Variants in PARD3B observed in about 807,000 individuals in gnomAD.
PARD3B encodes par-3 family cell polarity regulator beta, also known as partitioning defective 3 homolog B.
In PARD3B, 103 loss-of-function variants were observed where a neutral mutation model predicts 130.2. The observed-to-expected ratio is 0.79, with a 90% CI of 0.67 to 0.93. The LOEUF (loss-of-function observed/expected upper bound fraction) is 0.93, where lower values mean the gene tolerates loss of function less well. Ranked by LOEUF, PARD3B falls within the 40% of genes least tolerant of loss-of-function variation. The pLI is 0.00. For synonymous variants in PARD3B, 583 were observed against 553.2 expected (o/e 1.05, Z -0.76); for missense variants, 1,609 against 1,499.2 (o/e 1.07, Z -1.21).
chr2:205,176,301 AT>A lies in PARD3B; in HGVS notation c.1792-140del. 1.4e-6 allele frequency: 1 copy of A among 733,788 alleles called. No individual in the cohort carries two copies. Among genetic ancestry groups the A allele is most frequent in the Non-Finnish European group, 2.1e-6 (1 of 483,178 alleles). 45.5% of individuals were successfully genotyped at this position (733,788 alleles called of 1,614,324 possible). A position where few individuals can be genotyped will look rare whatever the true frequency, so the allele number is the denominator to read the frequency against. On this transcript the variant is annotated intron_variant, in intron 12 of 22. Coordinates refer to ENST00000406610, the MANE Select transcript of PARD3B (RefSeq NM_001302769.2). This position sits in a 1 kb window ranked among gnomAD's most constrained non-coding sequence, Gnocchi z 5.3. ...CAAAGATGTTTTCACTGATAGGGCC[AT>A]TTTGAGTTTCCACAGTTGAGGACTT...
chr2:205,076,632 T>C (rs1343867751), intron 4 of PARD3B, among the ~76,000 whole-genome samples: 2 of 152,162 alleles, frequency 1.3e-5, no homozygotes, highest in African/African-American at 4.8e-5. Context: ...CTCAGGCTCC[T>C]GTCACATCAG....
At chr2:204,940,387 G>A (rs1375206033) in intron 2 of PARD3B, among the ~76,000 whole-genome samples, 3 of 152,066 alleles carry the variant, frequency 2.0e-5, no homozygotes, top group African/African-American at 4.8e-5. Context: ...CTCTGGGAGC[G>A]AACTGGAGTC....
At chr2:205,080,608 T>A (rs1414518674) in intron 4 of PARD3B, among the ~76,000 whole-genome samples, 2 of 152,162 alleles carry the variant, frequency 1.3e-5, no homozygotes, top group Non-Finnish European at 2.9e-5. Flanking sequence ...TTGGGATTAT[T>A]AATAATGCTT....
At position 205,263,365 on chromosome 2, in the gene PARD3B, A is replaced by G. The variant is rs963228111; in HGVS notation, c.2185+17543A>G. Among the ~76,000 whole-genome samples the G allele has an allele frequency of 7.1e-6, 1 of 141,708 alleles. No homozygotes were observed. Among genetic ancestry groups the G allele is most frequent in the African/African-American group, 2.6e-5 (1 of 38,706 alleles). The allele number at this position is 141,708 out of a possible 152,430, so 93.0% of individuals were successfully genotyped here. A position where few individuals can be genotyped will look rare whatever the true frequency, so the allele number is the denominator to read the frequency against. On this transcript the variant is annotated intron_variant, in intron 16 of 22. Coordinates refer to ENST00000406610, the MANE Select transcript of PARD3B (RefSeq NM_001302769.2). This position sits in a 1 kb window ranked among gnomAD's most constrained non-coding sequence, Gnocchi z 4.0. ...GGAGGTCCAAGCAAAAGCAGTGGAT[A>G]ACAGTGCAAACAGGAACTATTTACT...
intron 1 of PARD3B, among the ~76,000 whole-genome samples, chr2:204,577,229 T>A (rs1469445149): frequency 3.3e-5 from 5 of 152,372 alleles, no homozygotes; most frequent in Admixed American, 1.3e-4. Flanking sequence ...TTAAATGATA[T>A]GATGATAGGA....
chr2:205,459,088 C>T (rs2048365929), intron 20 of PARD3B, among the ~76,000 whole-genome samples: 1 of 152,182 alleles, frequency 6.6e-6, no homozygotes, highest in Non-Finnish European at 1.5e-5. Context: ...TCTGCTCAGC[C>T]TCCAAGTCTC....
chr2:205,397,816 A>C lies in PARD3B; in HGVS notation c.2631-3197A>C, dbSNP rs1191278838. Among the ~76,000 whole-genome samples, 10 of 152,126 alleles carry C rather than the reference A, an allele frequency of 6.6e-5. No individual in the cohort carries two copies. Among genetic ancestry groups the C allele is most frequent in the Non-Finnish European group, 1.5e-4 (10 of 68,014 alleles). ...ATTTTAAGCAAAAGTTATGTATCTC[A>C]AGTGATGTACTGAGCTATTAACTTC... On this transcript the variant is annotated intron_variant, in intron 18 of 22. Coordinates refer to ENST00000406610, the MANE Select transcript of PARD3B (RefSeq NM_001302769.2). The surrounding 1 kb of genome is among the most constrained non-coding windows in gnomAD (Gnocchi z 4.8).
At chr2:205,028,576 C>T (rs1317885346) in intron 3 of PARD3B, among the ~76,000 whole-genome samples, 1 of 152,074 alleles carries the variant, frequency 6.6e-6, no homozygotes, top group South Asian at 2.1e-4. Flanking sequence ...TGAGTGAGGT[C>T]CCACTAGCGG....
rs184264262 is a variant in PARD3B at position 205,078,350 on chromosome 2, A to G, written c.505-26076A>G. 2.6e-5 allele frequency among the ~76,000 whole-genome samples: 4 copies of G among 152,224 alleles called. No individual in the cohort carries two copies. The highest frequency in any genetic ancestry group is 1.3e-4 in the Admixed American group (2 of 15,282). Reference sequence around the variant, plus strand: ...GGCTATCGCAGCATCATTCTTCATAATTTTTATTAATTGTATGGTTTTCCT... The same window carrying G: ...GGCTATCGCAGCATCATTCTTCATAGTTTTTATTAATTGTATGGTTTTCCT... On this transcript the variant is annotated intron_variant, in intron 4 of 22. Coordinates refer to ENST00000406610, the MANE Select transcript of PARD3B (RefSeq NM_001302769.2). The surrounding 1 kb of genome is among the most constrained non-coding windows in gnomAD (Gnocchi z 4.0).
At chr2:204,747,263 G>C (rs1445109627) in intron 2 of PARD3B, among the ~76,000 whole-genome samples, 2 of 152,022 alleles carry the variant, frequency 1.3e-5, no homozygotes, top group African/African-American at 4.8e-5. Context: ...GTTTTTGTCA[G>C]GTTTGTCAAA....
intron 1 of PARD3B, among the ~76,000 whole-genome samples, chr2:204,625,349 G>A (rs2034451879): frequency 6.6e-6 from 1 of 152,084 alleles, no homozygotes; most frequent in Non-Finnish European, 1.5e-5. Context: ...CTCCATGACA[G>A]CAACTGACAA....
chr2:204,599,300 A>G (rs145404376), intron 1 of PARD3B, among the ~76,000 whole-genome samples: 1 of 151,966 alleles, frequency 6.6e-6, no homozygotes, highest in East Asian at 1.9e-4. Flanking sequence ...CCATCTAGCT[A>G]TTATTTTGCA....
chr2:205,036,060 C>G (rs1013895253), intron 3 of PARD3B, among the ~76,000 whole-genome samples: 2 of 145,038 alleles, frequency 1.4e-5, no homozygotes, highest in Non-Finnish European at 3.0e-5. Context: ...TGCCATTCAT[C>G]TTGGTGAGTA....
chr2:205,270,653 AAGTAGTAT>A (rs2040689000), intron 16 of PARD3B, among the ~76,000 whole-genome samples: 1 of 152,146 alleles, frequency 6.6e-6, no homozygotes, highest in Admixed American at 6.6e-5. Flanking sequence ...CTCACCTAGT[AAGTAGTAT>A]AGAAATGGGC....
intron 21 of PARD3B, among the ~76,000 whole-genome samples, chr2:205,532,729 G>A (rs895432011): frequency 2.0e-5 from 3 of 152,196 alleles, no homozygotes; most frequent in Non-Finnish European, 4.4e-5. Context: ...CTTAAACTTC[G>A]CTAAGTTAGG....
At chr2:205,098,378 C>G (rs1320400065) in intron 4 of PARD3B, among the ~76,000 whole-genome samples, 1 of 152,066 alleles carries the variant, frequency 6.6e-6, no homozygotes, top group Non-Finnish European at 1.5e-5. Context: ...AAAATCATGG[C>G]CATATATGAT....
rs764672822 is a variant in PARD3B at position 205,121,992 on chromosome 2, A to T, written c.1165+43A>T. ...CCTAATAGCATTCTATTATTGTAAC[A>T]TGTAAAATTGGTTAAGAGAAATGCA... On this transcript the variant is annotated intron_variant, in intron 8 of 22. Transcript: ENST00000406610. The surrounding 1 kb of genome is among the most constrained non-coding windows in gnomAD (Gnocchi z 5.0). The T allele has an allele frequency of 2.4e-5, 36 of 1,488,032 alleles. No homozygotes were observed. The highest frequency in any genetic ancestry group is 3.3e-5 in the Non-Finnish European group (36 of 1,098,554). The allele number at this position is 1,488,032 out of a possible 1,614,324, so 92.2% of individuals were successfully genotyped here.
chr2:205,065,545 A>T (rs1700320632), intron 4 of PARD3B, among the ~76,000 whole-genome samples: 1 of 152,092 alleles, frequency 6.6e-6, no homozygotes, highest in Non-Finnish European at 1.5e-5. Context: ...TTTGGTCCCC[A>T]GTGTAGCCGT....
chr2:205,607,787 T>A (rs1384838231), intron 22 of PARD3B, among the ~76,000 whole-genome samples: 3 of 151,110 alleles, frequency 2.0e-5, no homozygotes, highest in Non-Finnish European at 4.4e-5. Context: ...TTCTCCTGTG[T>A]CTTAATGAAA....
Sources: gnomAD v4.1 joint callset for allele counts (sites outside exome capture counted in the v4.1 genomes callset) on GRCh38, gnomAD v4.1.1 for gene constraint, Gnocchi (gnomAD v3.1) non-coding constraint, MANE v1.5 for transcripts, NCBI Gene and HGNC (gene_info 2026-07-23, HGNC 2026-07-21) for gene names.